Variants in XKR5 observed in about 807,000 individuals in gnomAD.
XKR5 encodes XK related 5.
A neutral mutation model predicts 40.8 loss-of-function variants in XKR5; 46 were observed. The ratio of observed to expected loss-of-function variants is 1.13; its 90% CI spans 0.89 to 1.44. The LOEUF (loss-of-function observed/expected upper bound fraction) is 1.44. XKR5 is among the 40% of genes most tolerant of loss of function. The pLI is 0.00. For synonymous variants in XKR5, 466 were observed against 356.1 expected (o/e 1.31, Z -3.48); for missense variants, 1,169 against 844.7 (o/e 1.38, Z -4.76).
At chr8:6,832,695 T>C in intron 2 of XKR5, 22 bp downstream of exon 2, 6 of 1,611,822 alleles carry the variant, frequency 3.7e-6, no homozygotes, top group Non-Finnish European at 4.2e-6. Context: ...GCTCCAGAGG[T>C]GAAAGAGGCA....
At chr8:6,821,653 C>T (rs776301414) in intron 5 of XKR5, among the ~76,000 whole-genome samples, 1 of 152,174 alleles carries the variant, frequency 6.6e-6, no homozygotes, top group Non-Finnish European at 1.5e-5. Flanking sequence ...ACATTGAATG[C>T]AGGGCCACAG....
Position 6,811,475 on chromosome 8 carries a change from A to G in XKR5, c.1784T>C (p.Met595Thr), listed in dbSNP as rs1476785262. Residue 595 changes from methionine to threonine, a missense_variant, in exon 7 of 7, where the codon ATG (methionine) becomes ACG (threonine). Coordinates refer to ENST00000618742, the MANE Select transcript of XKR5 (RefSeq NM_207411.5). ...PVGLAPFPDT[M>T]ADISPILGTG... ...GCCTAGGATGGGGCTAATGTCGGCC[A>G]TGGTGTCGGGGAAGGGCGCCAAGCC... The G allele has an allele frequency of 3.9e-6, 6 of 1,529,902 alleles. No homozygotes were observed. Among genetic ancestry groups the G allele is most frequent in the Non-Finnish European group, 5.3e-6 (6 of 1,142,672 alleles). 94.8% of individuals were successfully genotyped at this position (1,529,902 alleles called of 1,614,324 possible). A position where few individuals can be genotyped will look rare whatever the true frequency, so the allele number is the denominator to read the frequency against.
chr8:6,818,660 G>T (rs9314612), intron 5 of XKR5, among the ~76,000 whole-genome samples: 7 of 152,212 alleles, frequency 4.6e-5, no homozygotes, highest in Admixed American at 6.5e-5. Flanking sequence ...GTCTCCAGAC[G>T]TGGATTCCCA....
intron 2 of XKR5, among the ~76,000 whole-genome samples, chr8:6,829,957 C>T (rs1354962511): frequency 6.6e-6 from 1 of 151,018 alleles, no homozygotes; most frequent in Admixed American, 6.6e-5. Context: ...CCTGCCTCAG[C>T]CTCCCAAGTA....
At chr8:6,815,200 T>C (rs1423939577) in intron 6 of XKR5, among the ~76,000 whole-genome samples, 1 of 152,184 alleles carries the variant, frequency 6.6e-6, no homozygotes, top group Non-Finnish European at 1.5e-5. Flanking sequence ...GCGGAATCCC[T>C]GCGGAACTCA....
At position 6,811,984 on chromosome 8, in the gene XKR5, T is replaced by A; in HGVS notation, c.1275A>T (p.Gly425=). 6.5e-7 allele frequency: 1 copy of A among 1,537,284 alleles called. No homozygotes were observed. The highest frequency in any genetic ancestry group is 1.2e-5 in the South Asian group (1 of 84,060). The stretch of plus-strand genomic sequence containing the variant: ...GTGGACAATAGGCAGGACTGTTATC[T>A]CCAAAGGCGGCATTGATCTTAGACA... ...GNVSKINAAF[G]DNSPAYCPPA... The change falls in exon 7 of 7, where the codon GGA becomes GGT. Residue 425 remains glycine, a synonymous_variant. Transcript: ENST00000618742.
rs1324023315 is a variant in XKR5, at chr8:6,810,952, T to C, written c.*246A>G. ...AGGTAGCAGACAATTTTGACTGGAA[T>C]CTCTTTCTCCTCCTCTAAAGTATGT... On this transcript the variant is annotated 3_prime_UTR_variant, in exon 7 of 7. Transcript: ENST00000618742. 1.4e-5 allele frequency: 5 copies of C among 357,350 alleles called. No homozygotes were observed. Among genetic ancestry groups the C allele is most frequent in the Admixed American group, 1.3e-4 (3 of 23,236 alleles). The allele number at this position is 357,350 out of a possible 1,614,324, so 22.1% of individuals were successfully genotyped here.
chr8:6,832,864 C>T lies in XKR5; in HGVS notation c.95G>A (p.Arg32Gln), dbSNP rs749344071. 8.1e-6 allele frequency: 13 copies of T among 1,607,738 alleles called. No individual in the cohort carries two copies. The highest frequency in any genetic ancestry group is 2.2e-5 in the East Asian group (1 of 44,620). The change falls in exon 2 of 7, where the codon CGG (arginine) becomes CAG (glutamine). Residue 32 changes from arginine to glutamine, a missense_variant. Coordinates refer to ENST00000618742, the MANE Select transcript of XKR5 (RefSeq NM_207411.5). ...YTVAYYFTTGRLLWGWLALAV... is the reference protein window; with the variant it reads ...YTVAYYFTTGQLLWGWLALAV... ...AAGGGCCAGCCACCCCCACAGAAGC[C>T]GTCCTGTGGTGAAGTAGTAAGCCAC...
Position 6,811,289 on chromosome 8 carries a change from G to A in XKR5, c.1970C>T (p.Pro657Leu), listed in dbSNP as rs1212633181. The change falls in exon 7 of 7, where the codon CCC becomes CTC. Residue 657 changes from proline to leucine, a missense_variant. By Grantham distance (98) the Pro-to-Leu change is moderately conservative (BLOSUM62 -3). Transcript: ENST00000618742. Reference sequence around the variant, plus strand: ...AGACTTAGGGGTGGACGTGAGGCAGGGCTCATGGGCAGTCCTCAGCTGTGG... The same window carrying A: ...AGACTTAGGGGTGGACGTGAGGCAGAGCTCATGGGCAGTCCTCAGCTGTGG... ...SLPQLRTAHE[P>L]CLTSTPKSES... 6.5e-7 allele frequency: 1 copy of A among 1,537,308 alleles called. No individual in the cohort carries two copies. Among genetic ancestry groups the A allele is most frequent in the South Asian group, 1.2e-5 (1 of 84,068 alleles).
chr8:6,826,910 C>T (rs1260405290), intron 2 of XKR5, among the ~76,000 whole-genome samples: 1 of 152,172 alleles, frequency 6.6e-6, no homozygotes, highest in Non-Finnish European at 1.5e-5. Context: ...CACATCTGCT[C>T]ACCCAGCCTG....
chr8:6,825,391 G>A, intron 2 of XKR5, 42 bp from the exon 3 acceptor site: 1 of 1,471,820 alleles, frequency 6.8e-7, no homozygotes, highest in South Asian at 1.4e-5. Context: ...GCCAGGCTGT[G>A]GCGAGATTCA....
At chr8:6,822,507 A>T (rs199676429) in intron 4 of XKR5, among the ~76,000 whole-genome samples, 22 of 147,166 alleles carry the variant, frequency 1.5e-4, no homozygotes, top group South Asian at 4.4e-4. Context: ...GATTTTTTTT[A>T]AAAAAAGAAT....
At chr8:6,822,229 C>A (rs1301737996) in intron 4 of XKR5, among the ~76,000 whole-genome samples, 191 bp from the exon 5 acceptor site, 1 of 152,182 alleles carries the variant, frequency 6.6e-6, no homozygotes, top group Non-Finnish European at 1.5e-5. Context: ...TGTATTATCC[C>A]ATTTTATCCT....
At chr8:6,832,623 AT>A in intron 2 of XKR5, 93 bp downstream of exon 2, 1 of 1,512,366 alleles carries the variant, frequency 6.6e-7, no homozygotes, top group East Asian at 2.3e-5. Context: ...CTGAACTTTT[AT>A]GAGCTTGAGG....
chr8:6,811,455 G>A lies in XKR5; in HGVS notation c.1804C>T (p.Leu602=). ...PDTMADISPI[L]GTGPCRGFCP... is the part of the protein sequence containing the mutation. ...AAGCCTCTACATGGGCCTGTGCCTA[G>A]GATGGGGCTAATGTCGGCCATGGTG... Residue 602 remains leucine, a synonymous_variant, in exon 7 of 7, where the codon CTA becomes TTA. Coordinates refer to ENST00000618742, the MANE Select transcript of XKR5 (RefSeq NM_207411.5). The A allele has an allele frequency of 4.6e-6, 7 of 1,534,858 alleles. No individual in the cohort carries two copies. Among genetic ancestry groups the A allele is most frequent in the Non-Finnish European group, 6.1e-6 (7 of 1,145,556 alleles).
chr8:6,826,661 GC>G (rs1167047327), intron 2 of XKR5, among the ~76,000 whole-genome samples: 1 of 152,176 alleles, frequency 6.6e-6, no homozygotes, highest in Non-Finnish European at 1.5e-5. Flanking sequence ...GATGGGTGGA[GC>G]CCCCATAAGG....
chr8:6,831,944 G>T (rs963202627), intron 2 of XKR5, among the ~76,000 whole-genome samples: 4 of 151,188 alleles, frequency 2.6e-5, no homozygotes, highest in Non-Finnish European at 5.9e-5. Flanking sequence ...GAACCCAGGA[G>T]GCGGAGGTTG....
chr8:6,830,498 C>T (rs113929536), intron 2 of XKR5, among the ~76,000 whole-genome samples: 3,570 of 152,296 alleles, frequency 0.023, 132 homozygotes, highest in African/African-American at 0.078. Flanking sequence ...ATCTTGCGGC[C>T]TTTATGCTTG....
chr8:6,821,794 C>A lies in XKR5; in HGVS notation c.807+75G>T, dbSNP rs58387909. 0.1 allele frequency: 130,909 copies of A among 1,305,158 alleles called. 7,857 individuals carry two copies. Among genetic ancestry groups the A allele is most frequent in the East Asian group, 0.28 (11,161 of 39,962 alleles). 80.8% of individuals were successfully genotyped at this position (1,305,158 alleles called of 1,614,324 possible). On this transcript the variant is annotated intron_variant, in intron 5 of 6. Coordinates refer to ENST00000618742, the MANE Select transcript of XKR5 (RefSeq NM_207411.5). ...TGCATTGGTGCACACACACACACAC[C>A]CCCCACACACACCCACACACACCCC...
Sources: gnomAD v4.1 joint callset for allele counts (sites outside exome capture counted in the v4.1 genomes callset) on GRCh38, gnomAD v4.1.1 for gene constraint, MANE v1.5 for transcripts, NCBI Gene and HGNC (gene_info 2026-07-23, HGNC 2026-07-21) for gene names.